Variants in ANPEP observed in about 807,000 individuals in gnomAD.
ANPEP encodes aminopeptidase N.
A neutral mutation model predicts 114.6 loss-of-function variants in ANPEP; 70 were observed. The observed-to-expected ratio is 0.61, with a 90% CI of 0.50 to 0.75. ANPEP has a LOEUF of 0.75. Among genes scored for constraint, ANPEP ranks in the 30% least tolerant of loss-of-function variants. The pLI is 0.00. For missense variants in ANPEP, 1,184 were observed against 1,259.5 expected (o/e 0.94, Z 0.91); for synonymous variants, 548 against 522.3 (o/e 1.05, Z -0.67).
rs1894725398 is a variant in ANPEP, at chr15:89,806,784, G to A, written c.-201C>T. 5 of 826,726 alleles carry A rather than the reference G, an allele frequency of 6.0e-6. No homozygotes were observed. The highest frequency in any genetic ancestry group is 9.0e-6 in the Non-Finnish European group (5 of 555,578). The allele number at this position is 826,726 out of a possible 1,614,324, so 51.2% of individuals were successfully genotyped here. On this transcript the variant is annotated 5_prime_UTR_variant, in exon 2 of 21. Transcript: ENST00000300060. The surrounding 1 kb of genome is among the most constrained non-coding windows in gnomAD (Gnocchi z 5.7). ...GGGAGAGGAGATCCAGGAACGGTGTGTGGAGCTGGGCTCGGGGGGTGCCTG... is the reference window on the plus strand; with the variant it reads ...GGGAGAGGAGATCCAGGAACGGTGTATGGAGCTGGGCTCGGGGGGTGCCTG...
At chr15:89,786,796 T>C (rs576789480) in intron 20 of ANPEP, among the ~76,000 whole-genome samples, 7 of 151,626 alleles carry the variant, frequency 4.6e-5, no homozygotes, top group Non-Finnish European at 1.0e-4. Context: ...AGGATGCAAA[T>C]ATAGATGAAT....
At chr15:89,793,560 G>T (rs1225679728) in intron 15 of ANPEP, among the ~76,000 whole-genome samples, 1 of 151,928 alleles carries the variant, frequency 6.6e-6, no homozygotes, top group African/African-American at 2.4e-5. Flanking sequence ...AAAATTAGCC[G>T]AGTGTGGTGG....
At chr15:89,801,010 C>A in intron 12 of ANPEP, 101 bp downstream of exon 12, 1 of 1,023,658 alleles carries the variant, frequency 9.8e-7, no homozygotes. Context: ...GAAGTCAAGT[C>A]CATTTGTTGA....
At position 89,804,364 on chromosome 15, in the gene ANPEP, G is replaced by A. The variant is rs776452402; in HGVS notation, c.1068C>T (p.Asn356=). 1 of 1,614,132 alleles carries A rather than the reference G, an allele frequency of 6.2e-7. No homozygotes were observed. The highest frequency in any genetic ancestry group is 1.3e-5 in the African/African-American group (1 of 74,948). Residue 356 remains asparagine, a synonymous_variant, in exon 6 of 21, where the codon AAC becomes AAT. Coordinates refer to ENST00000300060, the MANE Select transcript of ANPEP (RefSeq NM_001150.3). ...LPDFNAGAME[N]WGLVTYRENS... ...TCTCCCGGTAGGTCACCAGTCCCCA[G>A]TTCTCCATGGCGCCGGCGTTGAAGT...
intron 15 of ANPEP, among the ~76,000 whole-genome samples, chr15:89,795,536 G>A (rs1008855121): frequency 6.6e-6 from 1 of 152,166 alleles, no homozygotes; most frequent in East Asian, 1.9e-4. Context: ...TTCCAGAAGG[G>A]AGGAAAACTG....
rs1309746745 is a variant in ANPEP, at chr15:89,790,870, C to T, written c.2669+83G>A. 3.9e-5 allele frequency: 59 copies of T among 1,526,204 alleles called. No individual in the cohort carries two copies. In the East Asian group the frequency reaches 8.6e-4, roughly 22 times the overall value. 94.5% of individuals were successfully genotyped at this position (1,526,204 alleles called of 1,614,324 possible). On this transcript the variant is annotated intron_variant, in intron 19 of 20. Coordinates refer to ENST00000300060, the MANE Select transcript of ANPEP (RefSeq NM_001150.3). ...TTTGTCCACTTCTGGTTAGTGCCCC[C>T]GGCGTGTCTTACCCGCACAGGCCAC...
rs1213792609 is a variant in ANPEP, at chr15:89,791,035, T to C, written c.2587A>G (p.Ile863Val). Residue 863 changes from isoleucine (I) to valine (V), a missense_variant, in exon 19 of 21, where the codon ATC (isoleucine) becomes GTC (valine). Ile to Val is a conservative substitution (Grantham distance 29, BLOSUM62 3). Coordinates refer to ENST00000300060, the MANE Select transcript of ANPEP (RefSeq NM_001150.3). ...LIRKQDATST[I>V]ISITNNVIGQ... The stretch of plus-strand genomic sequence containing the variant: ...ATGACGTTGTTGGTAATGCTGATGA[T>C]GGTAGAGGTGGCGTCCTGCTTCCGG... The C allele has an allele frequency of 6.2e-6, 10 of 1,614,226 alleles. No homozygotes were observed. Among genetic ancestry groups the C allele is most frequent in the Non-Finnish European group, 8.5e-6 (10 of 1,180,044 alleles).
intron 1 of ANPEP, among the ~76,000 whole-genome samples, chr15:89,812,721 C>T (rs1276644344): frequency 1.3e-5 from 2 of 151,844 alleles, no homozygotes; most frequent in Admixed American, 1.3e-4. Flanking sequence ...GATAATCACC[C>T]CCATTTGGCA....
chr15:89,789,428 G>T (rs776776666), intron 20 of ANPEP, among the ~76,000 whole-genome samples: 1 of 152,152 alleles, frequency 6.6e-6, no homozygotes, highest in Non-Finnish European at 1.5e-5. Flanking sequence ...ATGATAGTAA[G>T]AAGATAATCA....
intron 20 of ANPEP, 63 bp from the exon 21 acceptor site, chr15:89,785,564 T>C: frequency 6.3e-7 from 1 of 1,599,482 alleles, no homozygotes; most frequent in Non-Finnish European, 8.5e-7. Context: ...GGAGGAGCTC[T>C]CTCAGGCCTC....
chr15:89,792,731 C>T (rs1968656660), intron 16 of ANPEP, among the ~76,000 whole-genome samples, 169 bp from the exon 17 acceptor site: 1 of 152,148 alleles, frequency 6.6e-6, no homozygotes, highest in African/African-American at 2.4e-5. Context: ...CCTTGGTCCC[C>T]AAAGCAGCCC....
At position 89,808,240 on chromosome 15, in the gene ANPEP, T is replaced by G. The variant is rs148343796; in HGVS notation, c.-223-1434A>C. 7.8e-3 allele frequency among the ~76,000 whole-genome samples: 1,191 copies of G among 152,270 alleles called. 13 individuals are homozygous for G. Among genetic ancestry groups the G allele is most frequent in the African/African-American group, 0.028 (1,145 of 41,552 alleles). ...CCCTCTGCCTGGATCTTCTCTTCCC[T>G]ATTGCCTTGGTTAATTCCTTTCCAT... On this transcript the variant is annotated intron_variant, in intron 1 of 20. Transcript: ENST00000300060.
At chr15:89,798,535 G>T (rs897929776) in intron 14 of ANPEP, among the ~76,000 whole-genome samples, 1 of 151,728 alleles carries the variant, frequency 6.6e-6, no homozygotes, top group African/African-American at 2.4e-5. Flanking sequence ...TACTCAGGAG[G>T]CCGAGAAGGG....
chr15:89,800,039 G>A (rs1894555822), intron 12 of ANPEP, among the ~76,000 whole-genome samples: 2 of 151,970 alleles, frequency 1.3e-5, no homozygotes, highest in South Asian at 4.1e-4. Context: ...CTTTGTTTCA[G>A]CAGCCAGAGG....
Position 89,799,576 on chromosome 15 carries a change from G to A in ANPEP, c.1820-17C>T, listed in dbSNP as rs1170650823. 2 of 1,614,140 alleles carry A rather than the reference G, an allele frequency of 1.2e-6. No homozygotes were observed. The highest frequency in any genetic ancestry group is 2.2e-5 in the East Asian group (1 of 44,876). ...CGTTCTGGGCTGTGGAGAGGGACGA[G>A]ACCTGGGCAGGGCTGCTCAGAGGCC... On this transcript the variant is annotated splice_polypyrimidine_tract_variant and intron_variant, in intron 12 of 20. Transcript: ENST00000300060. This position sits in a 1 kb window ranked among gnomAD's most constrained non-coding sequence, Gnocchi z 4.2.
At position 89,806,012 on chromosome 15, in the gene ANPEP, G is replaced by A. The variant is rs148796695; in HGVS notation, c.572C>T (p.Ala191Val). Reference sequence around the variant, plus strand: ...CATGTACTCGCTGCGGTAGAAGCCCGCCAGGTCATCTGCCAACTCCCCCTC... The same window carrying A: ...CATGTACTCGCTGCGGTAGAAGCCCACCAGGTCATCTGCCAACTCCCCCTC... ...EFEGELADDLAGFYRSEYMEG... is the reference protein window; with the variant it reads ...EFEGELADDLVGFYRSEYMEG... The change falls in exon 2 of 21, where the codon GCG becomes GTG. Residue 191 changes from alanine to valine, a missense_variant. Physicochemically the swap from Ala to Val is moderately conservative, Grantham distance 64. Transcript: ENST00000300060. The surrounding 1 kb of genome is among the most constrained non-coding windows in gnomAD (Gnocchi z 5.7). 6.2e-6 allele frequency: 10 copies of A among 1,608,036 alleles called. No homozygotes were observed. Among genetic ancestry groups the A allele is most frequent in the Admixed American group, 3.3e-5 (2 of 59,830 alleles).
rs574100129 is a variant in ANPEP, at chr15:89,813,506, C to T, written c.-224+1266G>A. Among the ~76,000 whole-genome samples, 148 of 152,290 alleles carry T rather than the reference C, an allele frequency of 9.7e-4. 1 individual carries two copies. The highest frequency in any genetic ancestry group is 1.6e-3 in the Non-Finnish European group (108 of 68,012). ...CAGCGCTGTGGGTGGCCTCCTTGCA[C>T]TCATAGTGTGGCCTTCGAGGCTAGG... On this transcript the variant is annotated intron_variant, in intron 1 of 20. Coordinates refer to ENST00000300060, the MANE Select transcript of ANPEP (RefSeq NM_001150.3).
Position 89,801,439 on chromosome 15 carries a change from A to T in ANPEP, c.1738T>A (p.Phe580Ile). The T allele has an allele frequency of 6.2e-7, 1 of 1,614,058 alleles. No homozygotes were observed. Among genetic ancestry groups the T allele is most frequent in the Non-Finnish European group, 8.5e-7 (1 of 1,179,958 alleles). ...TCAGTGACCCCATCTGCTCACTTGA[A>T]TTCTGAGGGGCGGGTAACATTGGAA... ...PDSNVTRPSE[F>I]NYVWIVPITS... Residue 580 changes from phenylalanine to isoleucine, a missense_variant, in exon 11 of 21, where the codon TTC (phenylalanine) becomes ATC (isoleucine). Physicochemically the swap from Phe to Ile is conservative, Grantham distance 21. Coordinates refer to ENST00000300060, the MANE Select transcript of ANPEP (RefSeq NM_001150.3).
In ANPEP at chr15:89,804,843, G is replaced by A. The variant is rs983114414; in HGVS notation, c.898-226C>T. 6.5e-5 allele frequency: 53 copies of A among 809,984 alleles called. No homozygotes were observed. The Admixed American group carries it at 6.6e-4, about 10-fold the overall frequency. The allele number at this position is 809,984 out of a possible 1,614,324, so 50.2% of individuals were successfully genotyped here. A position where few individuals can be genotyped will look rare whatever the true frequency, so the allele number is the denominator to read the frequency against. ...GAGAATAACAATCATCATAGCCACC[G>A]TCTGTCTGGTAACCGGTGGGTCAGG... On this transcript the variant is annotated intron_variant, in intron 4 of 20. Transcript: ENST00000300060.
Sources: gnomAD v4.1 joint callset for allele counts (sites outside exome capture counted in the v4.1 genomes callset) on GRCh38, gnomAD v4.1.1 for gene constraint, Gnocchi (gnomAD v3.1) non-coding constraint, MANE v1.5 for transcripts, NCBI Gene and HGNC (gene_info 2026-07-23, HGNC 2026-07-21) for gene names.